Variants in R3HDM2 observed in about 807,000 individuals in gnomAD.
R3HDM2 encodes R3H domain containing 2, also known as R3H domain-containing protein 2.
In R3HDM2, 38 loss-of-function variants were observed where a neutral mutation model predicts 124.5. That is an observed-to-expected ratio of 0.31 (90% CI 0.24 to 0.40). The LOEUF is 0.40. Among genes scored for constraint, R3HDM2 ranks in the 10% least tolerant of loss-of-function variants. The probability of loss-of-function intolerance (pLI) is 1.00; values close to 1 mark genes in which losing one functional copy is unlikely to be tolerated. For synonymous variants in R3HDM2, 391 were observed against 448.0 expected (o/e 0.87, Z 1.61); for missense variants, 869 against 1,236.9 (o/e 0.70, Z 4.46).
intron 1 of R3HDM2, among the ~76,000 whole-genome samples, chr12:57,409,361 C>G (rs956639794): frequency 2.0e-5 from 3 of 151,896 alleles, no homozygotes; most frequent in African/African-American, 7.3e-5. Flanking sequence ...TAATACGCAC[C>G]AGCTTTCCTT....
intron 6 of R3HDM2, among the ~76,000 whole-genome samples, chr12:57,299,059 A>G (rs943895845): frequency 2.0e-5 from 3 of 152,234 alleles, no homozygotes; most frequent in Admixed American, 6.5e-5. Context: ...TTGCTACCCA[A>G]TGATTATCAA....
chr12:57,261,074 C>A (rs2040694075), intron 19 of R3HDM2, among the ~76,000 whole-genome samples: 1 of 152,120 alleles, frequency 6.6e-6, no homozygotes, highest in African/African-American at 2.4e-5. Context: ...GTAGTAGGGC[C>A]ATAGGAAAAC....
At chr12:57,275,124 T>C (rs1425618231) in intron 14 of R3HDM2, among the ~76,000 whole-genome samples, 2 of 152,148 alleles carry the variant, frequency 1.3e-5, no homozygotes, top group African/African-American at 2.4e-5. Context: ...AATAGGCACA[T>C]AGACCAATGG....
Position 57,296,696 on chromosome 12 carries a change from G to A in R3HDM2, c.561-145C>T, listed in dbSNP as rs2049954276. 3 of 851,866 alleles carry A rather than the reference G, an allele frequency of 3.5e-6. No homozygotes were observed. The highest frequency in any genetic ancestry group is 5.3e-6 in the Non-Finnish European group (3 of 570,044). 52.8% of individuals were successfully genotyped at this position (851,866 alleles called of 1,614,324 possible). A position where few individuals can be genotyped will look rare whatever the true frequency, so the allele number is the denominator to read the frequency against. On this transcript the variant is annotated intron_variant, in intron 8 of 23. Coordinates refer to ENST00000402412, the MANE Select transcript of R3HDM2 (RefSeq NM_001394031.1). This position sits in a 1 kb window ranked among gnomAD's most constrained non-coding sequence, Gnocchi z 4.5. ...TAAGGAATATAGATATTTACTAAAT[G>A]GGAACCAAATAGGTTTTTCTCAGTT... is the stretch of plus-strand genomic sequence containing the variant.
At chr12:57,277,557 G>T (rs921760321) in intron 14 of R3HDM2, among the ~76,000 whole-genome samples, 1 of 151,984 alleles carries the variant, frequency 6.6e-6, no homozygotes, top group Non-Finnish European at 1.5e-5. Context: ...TCATGCTTAG[G>T]AGGCTGATGA....
intron 1 of R3HDM2, among the ~76,000 whole-genome samples, chr12:57,426,088 C>T (rs935487683): frequency 6.6e-5 from 10 of 151,948 alleles, no homozygotes; most frequent in African/African-American, 1.7e-4. Context: ...ATTATCCAGG[C>T]GTGGTAGCCG....
At position 57,269,012 on chromosome 12, in the gene R3HDM2, C is replaced by T. The variant is rs750447478; in HGVS notation, c.1785G>A (p.Gln595=). 2 of 1,614,238 alleles carry T rather than the reference C, an allele frequency of 1.2e-6. No individual in the cohort carries two copies. Among genetic ancestry groups the T allele is most frequent in the Non-Finnish European group, 1.7e-6 (2 of 1,180,050 alleles). ...TCTGGCTGCTGAGCAGGCCCTGGTT[C>T]TGTGGCTGCTGGACCCCAATCATGC... ...YQGMIGVQQP[Q]NQGLLSSQRS... is the part of the protein sequence containing the mutation. Residue 595 remains glutamine (Q), a synonymous_variant, in exon 17 of 24, where the codon CAG becomes CAA. Transcript: ENST00000402412.
intron 14 of R3HDM2, among the ~76,000 whole-genome samples, chr12:57,280,066 A>G (rs1369781332): frequency 1.3e-5 from 2 of 152,174 alleles, no homozygotes; most frequent in Non-Finnish European, 2.9e-5. Flanking sequence ...ATAGAGGGAG[A>G]TGGGGTACAG....
intron 1 of R3HDM2, among the ~76,000 whole-genome samples, chr12:57,414,486 T>TAAAAAAA (rs534205889): frequency 2.0e-4 from 13 of 66,616 alleles, no homozygotes; most frequent in Admixed American, 3.4e-4. Flanking sequence ...AAGACTCCAT[T>TAAAAAAA]AAAAAAAAAA....
chr12:57,372,433 C>A (rs913437973), intron 2 of R3HDM2, among the ~76,000 whole-genome samples: 2 of 152,158 alleles, frequency 1.3e-5, no homozygotes, highest in Non-Finnish European at 2.9e-5. Flanking sequence ...AATCAGGAGT[C>A]ACAGAGAAAA....
intron 19 of R3HDM2, among the ~76,000 whole-genome samples, chr12:57,265,112 G>A (rs550262743): frequency 6.6e-6 from 1 of 152,162 alleles, no homozygotes; most frequent in Non-Finnish European, 1.5e-5. Flanking sequence ...GCCCTTAGCT[G>A]TGTAACATGA....
At chr12:57,430,396 A>G (rs1437791596) in intron 1 of R3HDM2, 1 of 447,334 alleles carries the variant, frequency 2.2e-6, no homozygotes, top group Non-Finnish European at 3.0e-6. Flanking sequence ...ACCGCCACCC[A>G]AGAAACACAC....
intron 19 of R3HDM2, among the ~76,000 whole-genome samples, chr12:57,259,406 G>A (rs2040085470): frequency 2.6e-5 from 4 of 152,228 alleles, no homozygotes; most frequent in South Asian, 4.1e-4. Flanking sequence ...GGCATGGTAC[G>A]GGTCCAGGTC....
intron 1 of R3HDM2, among the ~76,000 whole-genome samples, chr12:57,398,007 C>A (rs538747038): frequency 2.1e-4 from 32 of 152,084 alleles, no homozygotes; most frequent in African/African-American, 7.7e-4. Flanking sequence ...CACAGTGAAA[C>A]CCCGTCTCTA....
chr12:57,386,326 G>A (rs756261590), intron 2 of R3HDM2, among the ~76,000 whole-genome samples: 10 of 152,208 alleles, frequency 6.6e-5, no homozygotes, highest in Non-Finnish European at 1.2e-4. Flanking sequence ...AGGCACGGGC[G>A]GGAACCGAGG....
At chr12:57,342,695 T>C (rs1231055251) in intron 2 of R3HDM2, among the ~76,000 whole-genome samples, 1 of 152,240 alleles carries the variant, frequency 6.6e-6, no homozygotes, top group Admixed American at 6.5e-5. Context: ...GTTGGAAATA[T>C]GTATTGAATT....
intron 3 of R3HDM2, among the ~76,000 whole-genome samples, chr12:57,304,703 T>C (rs771755076): frequency 1.3e-5 from 2 of 152,166 alleles, no homozygotes; most frequent in Non-Finnish European, 2.9e-5. Flanking sequence ...ACATACAACA[T>C]GGCACAAAGA....
At chr12:57,377,091 T>TAAATAAATAAATAAAA (rs1415957814) in intron 2 of R3HDM2, among the ~76,000 whole-genome samples, 2 of 117,010 alleles carry the variant, frequency 1.7e-5, no homozygotes, top group African/African-American at 3.0e-5. Flanking sequence ...AATAAATAAA[T>TAAATAAATAAATAAAA]AAATAAATAA....
rs191071732 is a variant in R3HDM2 at position 57,381,505 on chromosome 12, A to G, written c.-36+14244T>C. Among the ~76,000 whole-genome samples the G allele has an allele frequency of 2.7e-3, 386 of 141,516 alleles. 1 individual carries two copies. The highest frequency in any genetic ancestry group is 4.0e-3 in the Non-Finnish European group (268 of 66,378). The allele number at this position is 141,516 out of a possible 152,430, so 92.8% of individuals were successfully genotyped here. On this transcript the variant is annotated intron_variant, in intron 2 of 23. Transcript: ENST00000402412. The stretch of plus-strand genomic sequence containing the variant: ...AGTTGCAGTGAGCCGAGATCGTACC[A>G]CTGCACTCCAGCCTGGGCGACAGAA...
Sources: allele counts gnomAD v4.1 joint callset (sites outside exome capture counted in the v4.1 genomes callset), GRCh38; gene constraint gnomAD v4.1.1; non-coding constraint Gnocchi (gnomAD v3.1); transcripts MANE v1.5; gene names NCBI Gene and HGNC (gene_info 2026-07-23, HGNC 2026-07-21).